Variants in RAB38 observed in about 807,000 individuals in gnomAD.
The protein encoded by RAB38 is ras-related protein Rab-38.
A neutral mutation model predicts 18.4 loss-of-function variants in RAB38; 15 were observed. The ratio of observed to expected loss-of-function variants is 0.82; its 90% CI spans 0.55 to 1.26. The LOEUF is 1.26. Among genes scored for constraint, RAB38 ranks in the 50% most tolerant of loss-of-function variants. The probability of loss-of-function intolerance (pLI) is 0.00; values close to 1 mark genes in which losing one functional copy is unlikely to be tolerated. For synonymous variants in RAB38, 101 were observed against 104.4 expected, an observed-to-expected ratio of 0.97 and a Z score of 0.20; for missense variants, 294 against 267.4, an observed-to-expected ratio of 1.10 and a Z score of -0.69.
chr11:88,096,004 C>T, the RAB38 span, among the ~76,000 whole-genome samples: 20 of 151,922 alleles, frequency 1.3e-4, no homozygotes, highest in African/African-American at 4.3e-4. Flanking sequence ...TCCTATCTGG[C>T]ATTTCTGCTT....
chr11:87,870,177 G>A, the RAB38 span, among the ~76,000 whole-genome samples: 1 of 151,532 alleles, frequency 6.6e-6, no homozygotes, highest in East Asian at 2.0e-4. Flanking sequence ...TTATTCACAT[G>A]CTCACAACAA....
At chr11:88,018,377 C>T in the RAB38 span, among the ~76,000 whole-genome samples, 809 of 152,240 alleles carry the variant, frequency 5.3e-3, 4 homozygotes, top group African/African-American at 0.018. Flanking sequence ...TGAATTCCCC[C>T]CACTACCATT....
chr11:88,105,596 T>C, the RAB38 span, among the ~76,000 whole-genome samples: 1 of 152,310 alleles, frequency 6.6e-6, no homozygotes, highest in East Asian at 1.9e-4. Context: ...AACTGCTTGA[T>C]TCTATGTATA....
chr11:87,941,143 A>G, the RAB38 span, among the ~76,000 whole-genome samples: 1 of 146,984 alleles, frequency 6.8e-6, no homozygotes, highest in African/African-American at 2.5e-5. Context: ...TTTGCTGGAT[A>G]TAGCACCTAC....
intron 2 of RAB38, among the ~76,000 whole-genome samples, chr11:88,118,924 T>G (rs1942593998): frequency 6.6e-6 from 1 of 152,166 alleles, no homozygotes. Flanking sequence ...ATGGTCATAT[T>G]TTAAAGGTAA....
At chr11:88,071,961 G>C in the RAB38 span, among the ~76,000 whole-genome samples, 1 of 152,182 alleles carries the variant, frequency 6.6e-6, no homozygotes, top group Non-Finnish European at 1.5e-5. Context: ...GGAGAGGCAT[G>C]CCCATTGTAA....
chr11:88,027,000 T>A, the RAB38 span, among the ~76,000 whole-genome samples: 2 of 152,194 alleles, frequency 1.3e-5, no homozygotes, highest in Non-Finnish European at 2.9e-5. Flanking sequence ...TTTTGCGCAA[T>A]GACCTCACAT....
At chr11:88,005,793 G>C in the RAB38 span, among the ~76,000 whole-genome samples, 4 of 151,334 alleles carry the variant, frequency 2.6e-5, no homozygotes, top group South Asian at 8.3e-4. Flanking sequence ...GAGAGATAAG[G>C]GTCTAGTTTT....
the RAB38 span, among the ~76,000 whole-genome samples, chr11:88,018,956 A>ATT: frequency 4.6e-5 from 7 of 151,736 alleles, no homozygotes; most frequent in Admixed American, 1.3e-4. Flanking sequence ...TTTTAAAACA[A>ATT]TTTTTTTTAT....
At position 88,113,912 on chromosome 11, in the gene RAB38, C is replaced by A; in HGVS notation, c.*76G>T. 1.9e-6 allele frequency: 3 copies of A among 1,568,534 alleles called. No homozygotes were observed. On this transcript the variant is annotated 3_prime_UTR_variant, in exon 3 of 3. Coordinates refer to ENST00000243662, the MANE Select transcript of RAB38 (RefSeq NM_022337.3). ...TGTGGTATCTCTATCCTGACGTTTA[C>A]CCAAAATGGTAAAAATAGAGGCACA...
At chr11:88,128,646 G>C (rs1407605762) in intron 2 of RAB38, among the ~76,000 whole-genome samples, 5 of 152,282 alleles carry the variant, frequency 3.3e-5, no homozygotes, top group Non-Finnish European at 5.9e-5. Context: ...AAGAAGTTCA[G>C]AGCTTCTGGA....
intron 1 of RAB38, among the ~76,000 whole-genome samples, chr11:88,155,917 C>A (rs760952495): frequency 6.6e-6 from 1 of 152,166 alleles, no homozygotes; most frequent in Non-Finnish European, 1.5e-5. Context: ...ACCAATCAGA[C>A]GAAACCATTT....
At chr11:87,977,409 T>C in the RAB38 span, among the ~76,000 whole-genome samples, 2 of 64,262 alleles carry the variant, frequency 3.1e-5, no homozygotes, top group African/African-American at 6.9e-5. Context: ...AATTATATTA[T>C]AAAATATAAT....
At chr11:88,047,172 C>G in the RAB38 span, among the ~76,000 whole-genome samples, 1 of 152,150 alleles carries the variant, frequency 6.6e-6, no homozygotes, top group Non-Finnish European at 1.5e-5. Context: ...TTTCTGCTCC[C>G]CCGGCTCCTT....
the RAB38 span, among the ~76,000 whole-genome samples, chr11:87,888,903 C>A: frequency 6.6e-6 from 1 of 151,882 alleles, no homozygotes. Flanking sequence ...AAGGAGACAC[C>A]ACTAGCAATT....
At chr11:88,057,463 CA>C in the RAB38 span, among the ~76,000 whole-genome samples, 2,315 of 141,782 alleles carry the variant, frequency 0.016, 18 homozygotes, top group Non-Finnish European at 0.022. Flanking sequence ...ATTAGTCTAT[CA>C]AAAAAAAAAA....
chr11:88,014,937 T>A, the RAB38 span, among the ~76,000 whole-genome samples: 1 of 152,126 alleles, frequency 6.6e-6, no homozygotes, highest in African/African-American at 2.4e-5. Context: ...TCTGGAAAGT[T>A]GTGGAGACAC....
At chr11:87,897,889 G>A in the RAB38 span, among the ~76,000 whole-genome samples, 1 of 151,560 alleles carries the variant, frequency 6.6e-6, no homozygotes, top group Non-Finnish European at 1.5e-5. Flanking sequence ...ACAGGAGAAG[G>A]AGCAGATGGG....
chr11:88,042,221 C>T, the RAB38 span, among the ~76,000 whole-genome samples: 1 of 152,100 alleles, frequency 6.6e-6, no homozygotes, highest in African/African-American at 2.4e-5. Flanking sequence ...CTCCAGGTAA[C>T]GATTCTCCCA....
Sources: gnomAD v4.1 joint callset for allele counts (sites outside exome capture counted in the v4.1 genomes callset) on GRCh38, gnomAD v4.1.1 for gene constraint, MANE v1.5 for transcripts, NCBI Gene and HGNC (gene_info 2026-07-23, HGNC 2026-07-21) for gene names.